MEGF11: variants seen among roughly 807,000 people sequenced by gnomAD.
MEGF11 encodes the protein multiple epidermal growth factor-like domains protein 11.
MEGF11 carries 126 observed loss-of-function variants against 146.6 expected under a neutral mutation model. The observed-to-expected ratio is 0.86, with a 90% CI of 0.74 to 1.00. The LOEUF (loss-of-function observed/expected upper bound fraction) is 1.00, where lower values mean the gene tolerates loss of function less well. MEGF11 is among the 50% of genes least tolerant of loss of function. The pLI is 0.00. For synonymous variants in MEGF11, 532 were observed against 583.4 expected, an observed-to-expected ratio of 0.91 and a Z score of 1.27; for missense variants, 1,509 against 1,521.2, an observed-to-expected ratio of 0.99 and a Z score of 0.13.
At chr15:65,997,967 G>C (rs1288401709) in intron 5 of MEGF11, among the ~76,000 whole-genome samples, 1 of 151,948 alleles carries the variant, frequency 6.6e-6, no homozygotes, top group Non-Finnish European at 1.5e-5. Flanking sequence ...CTAGGAAGAA[G>C]AAAGGGCCCG....
At chr15:65,947,159 C>T (rs1423077237) in intron 10 of MEGF11, among the ~76,000 whole-genome samples, 1 of 152,076 alleles carries the variant, frequency 6.6e-6, no homozygotes, top group Non-Finnish European at 1.5e-5. Context: ...ATTTTCCAGA[C>T]ATAATCACAT....
At chr15:66,143,943 A>G (rs1480333389) in intron 1 of MEGF11, among the ~76,000 whole-genome samples, 1 of 152,148 alleles carries the variant, frequency 6.6e-6, no homozygotes, top group Non-Finnish European at 1.5e-5. Context: ...CAGAGGGGGC[A>G]AGAGGCACCT....
intron 10 of MEGF11, among the ~76,000 whole-genome samples, chr15:65,957,029 G>C (rs28613547): frequency 6.6e-6 from 1 of 152,114 alleles, no homozygotes; most frequent in African/African-American, 2.4e-5. Flanking sequence ...TCAAGGGTGC[G>C]GTGAGGGAAT....
At chr15:65,950,396 G>A (rs935305385) in intron 10 of MEGF11, among the ~76,000 whole-genome samples, 5 of 152,164 alleles carry the variant, frequency 3.3e-5, no homozygotes, top group African/African-American at 1.2e-4. Context: ...ACCAGCCTGG[G>A]CAACATGGCA....
At chr15:66,227,951 G>A (rs906117863) in intron 1 of MEGF11, among the ~76,000 whole-genome samples, 5 of 152,102 alleles carry the variant, frequency 3.3e-5, no homozygotes, top group African/African-American at 9.7e-5. Context: ...ACATGCCAGG[G>A]CATCTGGGGT....
chr15:66,222,072 G>A (rs1447074211), intron 1 of MEGF11, among the ~76,000 whole-genome samples: 1 of 152,042 alleles, frequency 6.6e-6, no homozygotes, highest in African/African-American at 2.4e-5. Flanking sequence ...TGGGTGACAG[G>A]GTAATTACTA....
chr15:66,027,739 T>C (rs890068213), intron 5 of MEGF11, among the ~76,000 whole-genome samples: 2 of 152,212 alleles, frequency 1.3e-5, no homozygotes, highest in Non-Finnish European at 2.9e-5. Context: ...TTCTGATGCA[T>C]GATCAGGGCT....
chr15:66,138,342 C>T (rs989804002), intron 1 of MEGF11, among the ~76,000 whole-genome samples: 8 of 152,186 alleles, frequency 5.3e-5, no homozygotes, highest in African/African-American at 1.4e-4. Flanking sequence ...CATGTGTCCA[C>T]GCTGTGATGG....
At chr15:65,915,332 G>C (rs903672646) in intron 19 of MEGF11, 138 bp downstream of exon 19, 10 of 1,188,202 alleles carry the variant, frequency 8.4e-6, no homozygotes, top group Middle Eastern at 3.0e-4. Context: ...AGCCTCTGCA[G>C]CCCACCCTAT....
chr15:65,916,347 CCTGTCTT>C, intron 17 of MEGF11, 71 bp from the exon 18 acceptor site: 1 of 1,490,594 alleles, frequency 6.7e-7, no homozygotes, highest in Non-Finnish European at 9.0e-7. Context: ...AGGAACCAGA[CCTGTCTT>C]CTGTCTCTTT....
At chr15:66,049,023 G>A (rs2084343501) in intron 5 of MEGF11, among the ~76,000 whole-genome samples, 1 of 152,204 alleles carries the variant, frequency 6.6e-6, no homozygotes, top group African/African-American at 2.4e-5. Context: ...GAGAGGAAGG[G>A]CTGCAGAAGA....
intron 3 of MEGF11, among the ~76,000 whole-genome samples, chr15:66,122,219 G>A (rs146608960): frequency 0.015 from 2,312 of 151,312 alleles, 55 homozygotes; most frequent in African/African-American, 0.053. Context: ...AACTGAGATC[G>A]CGCCACTGCA....
intron 1 of MEGF11, among the ~76,000 whole-genome samples, chr15:66,202,950 G>A (rs1211005554): frequency 6.6e-6 from 1 of 152,226 alleles, no homozygotes; most frequent in Non-Finnish European, 1.5e-5. Context: ...ACTGGCTAGA[G>A]GCATCTGGCT....
rs1247608321 is a variant in MEGF11 at position 65,982,044 on chromosome 15, C to T, written c.641+198G>A. Reference sequence around the variant, plus strand: ...GGGCATTTAGACTCACAGGAGATTTCACAGCCAAGACTATCCCTCCTGGTC... The same window carrying T: ...GGGCATTTAGACTCACAGGAGATTTTACAGCCAAGACTATCCCTCCTGGTC... On this transcript the variant is annotated intron_variant, in intron 6 of 25. Transcript: ENST00000395614. The surrounding 1 kb of genome is among the most constrained non-coding windows in gnomAD (Gnocchi z 5.6). Among the ~76,000 whole-genome samples, 1 of 152,194 alleles carries T rather than the reference C, an allele frequency of 6.6e-6. No individual in the cohort carries two copies. Among genetic ancestry groups the T allele is most frequent in the African/African-American group, 2.4e-5 (1 of 41,452 alleles).
intron 10 of MEGF11, among the ~76,000 whole-genome samples, chr15:65,940,845 T>C (rs2079965921): frequency 6.6e-6 from 1 of 152,244 alleles, no homozygotes; most frequent in Non-Finnish European, 1.5e-5. Flanking sequence ...CACTTATGTC[T>C]ATCAAAAATG....
chr15:66,232,017 A>G (rs1348353847), intron 1 of MEGF11, among the ~76,000 whole-genome samples: 1 of 152,216 alleles, frequency 6.6e-6, no homozygotes, highest in Admixed American at 6.5e-5. Flanking sequence ...ACAGAAGCTA[A>G]AGGATTTGCC....
chr15:66,021,366 C>T (rs2083126717), intron 5 of MEGF11, among the ~76,000 whole-genome samples: 1 of 152,202 alleles, frequency 6.6e-6, no homozygotes, highest in African/African-American at 2.4e-5. Flanking sequence ...GCCCTAGTAT[C>T]TTTTATATGT....
At chr15:65,916,560 G>T in intron 17 of MEGF11, 1 of 688,632 alleles carries the variant, frequency 1.5e-6, no homozygotes, top group Non-Finnish European at 2.5e-6. Context: ...GGGCCCCACT[G>T]TCCAAGGAAG....
intron 1 of MEGF11, among the ~76,000 whole-genome samples, chr15:66,151,129 G>C (rs1369055942): frequency 6.6e-6 from 1 of 152,124 alleles, no homozygotes. Flanking sequence ...GAGTAGGAGA[G>C]GAGTGTCCTG....
Sources: gnomAD v4.1 joint callset for allele counts (sites outside exome capture counted in the v4.1 genomes callset) on GRCh38, gnomAD v4.1.1 for gene constraint, Gnocchi (gnomAD v3.1) non-coding constraint, MANE v1.5 for transcripts, NCBI Gene and HGNC (gene_info 2026-07-23, HGNC 2026-07-21) for gene names.